Variants in GRIN2A observed in about 807,000 individuals in gnomAD.
GRIN2A encodes the protein glutamate ionotropic receptor NMDA type subunit 2A, also known as glutamate receptor ionotropic, NMDA 2A.
In GRIN2A, 22 loss-of-function variants were observed where a neutral mutation model predicts 113.4. The ratio of observed to expected loss-of-function variants is 0.19; its 90% CI spans 0.14 to 0.28. The LOEUF (loss-of-function observed/expected upper bound fraction) is 0.28. GRIN2A is among the 10% of genes least tolerant of loss of function. The pLI is 1.00. For synonymous variants in GRIN2A, 827 were observed against 738.4 expected (o/e 1.12, Z -1.94); for missense variants, 1,502 against 1,887.0 (o/e 0.80, Z 3.78).
chr16:9,846,071 A>G (rs879858442), intron 5 of GRIN2A, among the ~76,000 whole-genome samples: 1 of 152,226 alleles, frequency 6.6e-6, no homozygotes, highest in African/African-American at 2.4e-5. Flanking sequence ...ATTTCACTGT[A>G]AAGGAATTCA....
At chr16:9,809,210 A>T (rs1018525875) in intron 10 of GRIN2A, among the ~76,000 whole-genome samples, 2 of 152,158 alleles carry the variant, frequency 1.3e-5, no homozygotes, top group African/African-American at 4.8e-5. Context: ...ACTGAAGGTT[A>T]GGAGTTTGAG....
chr16:10,116,629 A>G (rs2142165031), intron 2 of GRIN2A, among the ~76,000 whole-genome samples: 1 of 152,282 alleles, frequency 6.6e-6, no homozygotes, highest in East Asian at 1.9e-4. Context: ...TGTGGTGAGG[A>G]AGTAGAAAAA....
intron 2 of GRIN2A, among the ~76,000 whole-genome samples, chr16:10,056,246 C>A (rs1292908291): frequency 1.3e-5 from 2 of 152,124 alleles, no homozygotes; most frequent in Non-Finnish European, 2.9e-5. Flanking sequence ...TCCAAGCAAC[C>A]AACCATTCAT....
At chr16:10,151,474 T>G (rs1401616710) in intron 2 of GRIN2A, among the ~76,000 whole-genome samples, 3 of 152,176 alleles carry the variant, frequency 2.0e-5, no homozygotes, top group African/African-American at 7.2e-5. Context: ...TCCTTCAAGG[T>G]GCAAACATAT....
At chr16:10,082,433 G>C (rs1184412272) in intron 2 of GRIN2A, among the ~76,000 whole-genome samples, 2 of 152,190 alleles carry the variant, frequency 1.3e-5, no homozygotes, top group Admixed American at 6.5e-5. Flanking sequence ...GAGTACAGGT[G>C]AACCTGTGAA....
intron 9 of GRIN2A, among the ~76,000 whole-genome samples, chr16:9,828,272 C>T (rs910693297): frequency 6.6e-6 from 1 of 152,096 alleles, no homozygotes; most frequent in African/African-American, 2.4e-5. Context: ...GTAAAGTGAC[C>T]CTTACTCAAG....
chr16:10,111,484 T>C, intron 2 of GRIN2A: 1 of 662,600 alleles, frequency 1.5e-6, no homozygotes, highest in Non-Finnish European at 2.8e-6. Flanking sequence ...CCACAACAAC[T>C]TCCTGATTCT....
intron 2 of GRIN2A, among the ~76,000 whole-genome samples, chr16:9,994,750 C>T (rs1426997308): frequency 2.6e-5 from 4 of 152,272 alleles, no homozygotes; most frequent in Non-Finnish European, 4.4e-5. Context: ...CATGGAAAAA[C>T]GTAAGGGAGA....
chr16:9,819,282 G>A (rs1227998736), intron 10 of GRIN2A, among the ~76,000 whole-genome samples: 1 of 152,086 alleles, frequency 6.6e-6, no homozygotes, highest in Admixed American at 6.6e-5. Context: ...CACTTTGAGA[G>A]GCTGAGGCAG....
intron 3 of GRIN2A, among the ~76,000 whole-genome samples, chr16:9,920,652 G>A (rs545865961): frequency 5.3e-5 from 8 of 149,578 alleles, no homozygotes; most frequent in East Asian, 2.0e-4. Flanking sequence ...CTGCAACCTC[G>A]CCTCCCAGGT....
chr16:10,070,104 C>A (rs765358209), intron 2 of GRIN2A, among the ~76,000 whole-genome samples: 2 of 152,210 alleles, frequency 1.3e-5, no homozygotes, highest in African/African-American at 4.8e-5. Flanking sequence ...CTGCTCTTCT[C>A]TACCTGAGTG....
chr16:9,977,126 C>A (rs776333532), intron 2 of GRIN2A, among the ~76,000 whole-genome samples: 3 of 152,234 alleles, frequency 2.0e-5, no homozygotes, highest in South Asian at 2.1e-4. Flanking sequence ...TGCAAGACAC[C>A]ATTTTCAAAA....
At chr16:10,070,812 G>C (rs554678818) in intron 2 of GRIN2A, among the ~76,000 whole-genome samples, 5 of 152,190 alleles carry the variant, frequency 3.3e-5, no homozygotes, top group African/African-American at 9.7e-5. Flanking sequence ...AGACCATCTG[G>C]ACCGCTTATA....
chr16:9,776,053 C>T (rs561827608), intron 11 of GRIN2A, among the ~76,000 whole-genome samples: 10 of 152,286 alleles, frequency 6.6e-5, no homozygotes, highest in South Asian at 6.2e-4. Context: ...CTGGGAGAAA[C>T]GCACTTACAA....
intron 2 of GRIN2A, among the ~76,000 whole-genome samples, chr16:10,172,807 G>A (rs1422573016): frequency 6.6e-6 from 1 of 152,180 alleles, no homozygotes; most frequent in Non-Finnish European, 1.5e-5. Context: ...GGGGGATGCA[G>A]GACAAACAAA....
At chr16:9,831,235 G>T (rs16966450) in intron 8 of GRIN2A, among the ~76,000 whole-genome samples, 8,142 of 152,170 alleles carry the variant, frequency 0.054, 731 homozygotes, top group African/African-American at 0.19. Flanking sequence ...CATGCTTCAG[G>T]CAAAGGAGAA....
At chr16:10,145,595 T>C (rs2049423448) in intron 2 of GRIN2A, among the ~76,000 whole-genome samples, 2 of 152,226 alleles carry the variant, frequency 1.3e-5, no homozygotes, top group Non-Finnish European at 2.9e-5. Flanking sequence ...TTCTTGTATG[T>C]TTGCTAATCT....
intron 11 of GRIN2A, among the ~76,000 whole-genome samples, chr16:9,772,939 A>AAAAAAGAGC (rs2141162331): frequency 6.6e-6 from 1 of 151,842 alleles, no homozygotes; most frequent in East Asian, 1.9e-4. Flanking sequence ...AAAAAAAAAA[A>AAAAAAGAGC]AAAAGAGCAA....
intron 2 of GRIN2A, among the ~76,000 whole-genome samples, chr16:10,036,429 A>C (rs2047026187): frequency 8.2e-6 from 1 of 121,340 alleles, no homozygotes. Flanking sequence ...TAAAAATATT[A>C]GTACTTACTT....
Sources: allele counts gnomAD v4.1 joint callset (sites outside exome capture counted in the v4.1 genomes callset), GRCh38; gene constraint gnomAD v4.1.1; transcripts MANE v1.5; gene names NCBI Gene and HGNC (gene_info 2026-07-23, HGNC 2026-07-21).